Variants in SLC4A7 observed in about 807,000 individuals in gnomAD.
The protein encoded by SLC4A7 is sodium bicarbonate cotransporter 3.
A neutral mutation model predicts 137.6 loss-of-function variants in SLC4A7; 51 were observed. The observed-to-expected ratio is 0.37, with a 90% CI of 0.30 to 0.47. The LOEUF is 0.47. Ranked by LOEUF, SLC4A7 falls within the 20% of genes least tolerant of loss-of-function variation. SLC4A7 has a pLI of 1.00. For missense variants in SLC4A7, 1,247 were observed against 1,525.4 expected (o/e 0.82, Z 3.04); for synonymous variants, 542 against 518.6 (o/e 1.05, Z -0.61).
At chr3:27,423,668 AAC>A (rs2055233895) in intron 8 of SLC4A7, 1 of 175,158 alleles carries the variant, frequency 5.7e-6, no homozygotes, top group African/African-American at 2.4e-5. Flanking sequence ...TTAGTGCTGT[AAC>A]ATCACTCCCA....
chr3:27,398,130 C>A (rs1015503597), intron 17 of SLC4A7, 62 bp downstream of exon 17: 1 of 1,201,548 alleles, frequency 8.3e-7, no homozygotes, highest in East Asian at 2.3e-5. Context: ...TTGAAATAAA[C>A]CAAGGAAATA....
chr3:27,450,561 G>A (rs1025776097), intron 2 of SLC4A7, among the ~76,000 whole-genome samples: 1 of 152,130 alleles, frequency 6.6e-6, no homozygotes, highest in East Asian at 1.9e-4. Flanking sequence ...CACTGCACTG[G>A]GAATTACAAA....
At chr3:27,468,821 C>G (rs1259080285) in intron 1 of SLC4A7, among the ~76,000 whole-genome samples, 1 of 151,964 alleles carries the variant, frequency 6.6e-6, no homozygotes, top group African/African-American at 2.4e-5. Context: ...CAATGAAATA[C>G]TAGGAGTGGG....
intron 11 of SLC4A7, among the ~76,000 whole-genome samples, chr3:27,415,523 T>C (rs1251220603): frequency 1.3e-5 from 2 of 152,204 alleles, no homozygotes. Context: ...TAGCATTATT[T>C]CCAGAACAGA....
intron 14 of SLC4A7, 25 bp downstream of exon 14, chr3:27,404,805 A>AT (rs1207818735): frequency 2.0e-6 from 3 of 1,529,044 alleles, no homozygotes; most frequent in Non-Finnish European, 2.7e-6. Flanking sequence ...AACACATGTG[A>AT]TAAGTAGAGA....
intron 1 of SLC4A7, among the ~76,000 whole-genome samples, chr3:27,460,742 A>T (rs1456683029): frequency 6.6e-6 from 1 of 152,142 alleles, no homozygotes; most frequent in African/African-American, 2.4e-5. Flanking sequence ...TTCAAAAATC[A>T]TTTTACTCGA....
chr3:27,439,863 G>C (rs1383565641), intron 3 of SLC4A7, among the ~76,000 whole-genome samples: 3 of 152,090 alleles, frequency 2.0e-5, no homozygotes, highest in Non-Finnish European at 4.4e-5. Context: ...GGTTTTCTTG[G>C]TTTTTGTAGA....
At chr3:27,397,581 A>C in intron 18 of SLC4A7, 103 bp downstream of exon 18, 1 of 659,826 alleles carries the variant, frequency 1.5e-6, no homozygotes, top group South Asian at 1.8e-5. Flanking sequence ...CCCTTCAAAG[A>C]GACTACATAC....
chr3:27,484,194 G>T lies in SLC4A7; in HGVS notation c.-68C>A. 2 of 1,183,674 alleles carry T rather than the reference G, an allele frequency of 1.7e-6. No individual in the cohort carries two copies. Among genetic ancestry groups the T allele is most frequent in the Non-Finnish European group, 2.1e-6 (2 of 942,310 alleles). The allele number at this position is 1,183,674 out of a possible 1,614,324, so 73.3% of individuals were successfully genotyped here. On this transcript the variant is annotated 5_prime_UTR_variant, in exon 1 of 26. Coordinates refer to ENST00000454389, the MANE Select transcript of SLC4A7 (RefSeq NM_001321103.2). The stretch of plus-strand genomic sequence containing the variant: ...GCGCGGTCTGCCTGCTTCTGCCGCT[G>T]CCCCTGCCGCCGCCGCCGAGCCCCC...
rs761480574 is a variant in SLC4A7, at chr3:27,411,682, C to T, written c.1726G>A (p.Ala576Thr). ...TPTLGETPKEAAHHAGPELQR... is the reference protein window; with the variant it reads ...TPTLGETPKETAHHAGPELQR... ...AGCTCAGGCCCAGCATGATGAGCGG[C>T]CTCTTTAGGAGTCTCACCCAGTGTG... The change falls in exon 12 of 26, where the codon GCC becomes ACC. Residue 576 changes from alanine (A) to threonine (T), a missense_variant. Around this residue, in one of 6 missense-constraint regions of SLC4A7, gnomAD observed 499 missense variants for 664.2 expected, o/e 0.75. Transcript: ENST00000454389. 2 of 1,564,950 alleles carry T rather than the reference C, an allele frequency of 1.3e-6. No homozygotes were observed. Among genetic ancestry groups the T allele is most frequent in the South Asian group, 2.4e-5 (2 of 84,142 alleles).
intron 15 of SLC4A7, 142 bp from the exon 16 acceptor site, chr3:27,401,011 A>C: frequency 2.0e-6 from 1 of 511,642 alleles, no homozygotes; most frequent in Non-Finnish European, 3.5e-6. Flanking sequence ...TGGAAAATAC[A>C]TCAGAAACAA....
Position 27,400,773 on chromosome 3 carries a change from A to C in SLC4A7, c.2418T>G (p.Leu806=). 6.4e-7 allele frequency: 1 copy of C among 1,572,258 alleles called. No homozygotes were observed. The highest frequency in any genetic ancestry group is 8.7e-7 in the Non-Finnish European group (1 of 1,143,498). ...TTCAAAATATACTCACAGAAACAGT[A>C]AGATTTCTCCAGGAAATATTGTGTG... The part of the protein sequence containing the change: ...ITAHNISWRN[L]TVSECKKLRG... The change falls in exon 16 of 26, where the codon CTT becomes CTG. Residue 806 remains leucine, a synonymous_variant. Transcript: ENST00000454389.
At chr3:27,473,079 C>CAA (rs35807931) in intron 1 of SLC4A7, among the ~76,000 whole-genome samples, 59 of 131,562 alleles carry the variant, frequency 4.5e-4, no homozygotes, top group Middle Eastern at 4.2e-3. Context: ...GACTCTGTCT[C>CAA]AAAAAAAAAA....
At chr3:27,470,854 A>T (rs1415006325) in intron 1 of SLC4A7, among the ~76,000 whole-genome samples, 1 of 152,004 alleles carries the variant, frequency 6.6e-6, no homozygotes, top group East Asian at 1.9e-4. Flanking sequence ...AGGCAGGAGA[A>T]CCCCTTGAAT....
Position 27,404,981 on chromosome 3 carries a change from A to T in SLC4A7, c.1942-18T>A, listed in dbSNP as rs1437925494. ...ATTGCACTCTGTTTAAGGAAAAAAG[A>T]AATGAATAAAAGCAATACATCATAA... On this transcript the variant is annotated intron_variant, in intron 13 of 25. Coordinates refer to ENST00000454389, the MANE Select transcript of SLC4A7 (RefSeq NM_001321103.2). 2 of 1,543,754 alleles carry T rather than the reference A, an allele frequency of 1.3e-6. No individual in the cohort carries two copies. The highest frequency in any genetic ancestry group is 1.7e-6 in the Non-Finnish European group (2 of 1,149,676).
chr3:27,403,441 TA>T, intron 14 of SLC4A7, 57 bp from the exon 15 acceptor site: 1 of 1,294,936 alleles, frequency 7.7e-7, no homozygotes, highest in Admixed American at 2.5e-5. Context: ...TATTTGTACC[TA>T]AAATTTTTCA....
At chr3:27,483,059 G>C (rs1026138505) in intron 1 of SLC4A7, among the ~76,000 whole-genome samples, 1 of 152,230 alleles carries the variant, frequency 6.6e-6, no homozygotes, top group African/African-American at 2.4e-5. Context: ...AGTTGTGAAA[G>C]ACCGGACAAT....
intron 1 of SLC4A7, among the ~76,000 whole-genome samples, chr3:27,460,565 G>A (rs947127407): frequency 6.6e-6 from 1 of 152,074 alleles, no homozygotes; most frequent in African/African-American, 2.4e-5. Flanking sequence ...TATTTCAAAC[G>A]CTAAAGTAAA....
At chr3:27,443,639 T>C (rs751437452) in intron 3 of SLC4A7, among the ~76,000 whole-genome samples, 2 of 152,204 alleles carry the variant, frequency 1.3e-5, no homozygotes, top group Non-Finnish European at 2.9e-5. Flanking sequence ...AATATAAGGA[T>C]TAAATGCTAC....
Sources: allele counts gnomAD v4.1 joint callset (sites outside exome capture counted in the v4.1 genomes callset), GRCh38; gene constraint gnomAD v4.1.1; regional missense constraint gnomAD v4.1.1; transcripts MANE v1.5; gene names NCBI Gene and HGNC (gene_info 2026-07-23, HGNC 2026-07-21).